The following PRKCSH variants were observed in gnomAD, a reference collection of about 807,000 sequenced individuals.
PRKCSH encodes PRKCSH beta subunit of glucosidase II.
In PRKCSH, 42 loss-of-function variants were observed where a neutral mutation model predicts 79.7. That is an observed-to-expected ratio of 0.53 (90% CI 0.41 to 0.68). PRKCSH has a LOEUF of 0.68. Ranked by LOEUF, PRKCSH falls within the 30% of genes least tolerant of loss-of-function variation. The probability of loss-of-function intolerance (pLI) is 0.00; values close to 1 mark genes in which losing one functional copy is unlikely to be tolerated. For synonymous variants in PRKCSH, 325 were observed against 288.2 expected (o/e 1.13, Z -1.29); for missense variants, 686 against 709.0 (o/e 0.97, Z 0.37).
chr19:11,441,314 A>T lies in PRKCSH; in HGVS notation c.425A>T (p.Lys142Met), dbSNP rs769208010. The change falls in exon 6 of 18, where the codon AAG becomes ATG. Residue 142 changes from lysine to methionine, a missense_variant. Lys to Met is a moderately conservative substitution (Grantham distance 95). Transcript: ENST00000677123. ...EVTREGFRLK[K>M]ILIEDWKKAR... The stretch of plus-strand genomic sequence containing the variant: ...ACCCGCGAAGGGTTCCGTCTGAAGA[A>T]GATCCTTATTGAGGACTGGAAGAAG... The T allele has an allele frequency of 4.3e-6, 7 of 1,614,132 alleles. No homozygotes were observed. The South Asian group carries it at 6.6e-5, about 15-fold the overall frequency.
Position 11,449,162 on chromosome 19 carries a change from A to G in PRKCSH, c.1448A>G (p.Asn483Ser), listed in dbSNP as rs922380592. 19 of 1,613,602 alleles carry G rather than the reference A, an allele frequency of 1.2e-5. No homozygotes were observed. Among genetic ancestry groups the G allele is most frequent in the Admixed American group, 1.7e-5 (1 of 59,992 alleles). ...EQGTGCWQGPNRSTTVRLLCG... is the reference protein window; with the variant it reads ...EQGTGCWQGPSRSTTVRLLCG... ...GGCACGGGCTGCTGGCAGGGCCCCAACCGCTCCACCACCGTGAGTGCCTGC... is the reference window on the plus strand; with the variant it reads ...GGCACGGGCTGCTGGCAGGGCCCCAGCCGCTCCACCACCGTGAGTGCCTGC... Residue 483 changes from asparagine to serine, a missense_variant, in exon 16 of 18, where the codon AAC becomes AGC. Physicochemically the swap from Asn to Ser is conservative, Grantham distance 46. Coordinates refer to ENST00000677123, the MANE Select transcript of PRKCSH (RefSeq NM_001289104.2). This position sits in a 1 kb window ranked among gnomAD's most constrained non-coding sequence, Gnocchi z 6.4.
chr19:11,441,804 G>T (rs1251446892), intron 6 of PRKCSH, among the ~76,000 whole-genome samples: 2 of 152,158 alleles, frequency 1.3e-5, no homozygotes, highest in African/African-American at 2.4e-5. Flanking sequence ...TCCCTGCCTT[G>T]CCTGTGTACT....
At chr19:11,438,173 C>A in intron 5 of PRKCSH, 49 bp downstream of exon 5, 1 of 1,597,908 alleles carries the variant, frequency 6.3e-7, no homozygotes, top group Non-Finnish European at 8.6e-7. Flanking sequence ...AAGACTTTGC[C>A]TGGCTCCACC....
intron 8 of PRKCSH, 80 bp downstream of exon 8, chr19:11,445,553 A>G: frequency 7.2e-7 from 1 of 1,392,968 alleles, no homozygotes; most frequent in Admixed American, 1.9e-5. Context: ...TCTAGAAACC[A>G]GCCAGATCCT....
chr19:11,445,325 G>C (rs1304457728), intron 7 of PRKCSH, 64 bp from the exon 8 acceptor site: 1 of 1,533,228 alleles, frequency 6.5e-7, no homozygotes, highest in Non-Finnish European at 9.0e-7. Flanking sequence ...ACGACCCTGT[G>C]GGGTGCGGGG....
In PRKCSH at chr19:11,449,686, G is replaced by A. The variant is rs1472658898; in HGVS notation, c.*16+258G>A. On this transcript the variant is annotated intron_variant, in intron 17 of 17. Coordinates refer to ENST00000677123, the MANE Select transcript of PRKCSH (RefSeq NM_001289104.2). This position sits in a 1 kb window ranked among gnomAD's most constrained non-coding sequence, Gnocchi z 6.4. The stretch of plus-strand genomic sequence containing the variant: ...GCCTCCCAAGTAGCTGGGATTACAG[G>A]TGTGCACCACCATGCCTGGCTAATT... 3 of 511,546 alleles carry A rather than the reference G, an allele frequency of 5.9e-6. No homozygotes were observed. The highest frequency in any genetic ancestry group is 7.3e-5 in the East Asian group (2 of 27,454). The allele number at this position is 511,546 out of a possible 1,614,324, so 31.7% of individuals were successfully genotyped here.
Position 11,448,287 on chromosome 19 carries a change from A to C in PRKCSH, c.1192A>C (p.Ile398Leu). The stretch of plus-strand genomic sequence containing the variant: ...GTCGCTGAAGGACATGGAGGAGTCC[A>C]TCAGGTAGCGGGGGCTGAGGAGCGG... Reference protein sequence around the residue: ...ERSLKDMEESIRNLEQEISFD... With the variant: ...ERSLKDMEESLRNLEQEISFD... The change falls in exon 13 of 18, where the codon ATC becomes CTC. Residue 398 changes from isoleucine (I) to leucine (L), a missense_variant. By Grantham distance (5) the Ile-to-Leu change is conservative (BLOSUM62 2). This residue lies in a region of PRKCSH where 549 missense variants were observed against 520.2 expected (regional missense o/e 1.06). Coordinates refer to ENST00000677123, the MANE Select transcript of PRKCSH (RefSeq NM_001289104.2). This position sits in a 1 kb window ranked among gnomAD's most constrained non-coding sequence, Gnocchi z 4.4. 6.4e-7 allele frequency: 1 copy of C among 1,573,132 alleles called. No homozygotes were observed. Among genetic ancestry groups the C allele is most frequent in the Non-Finnish European group, 8.6e-7 (1 of 1,158,894 alleles).
In PRKCSH at chr19:11,446,421, G is replaced by A. The variant is rs182285559; in HGVS notation, c.762+71G>A. 2.6e-3 allele frequency: 3,891 copies of A among 1,484,950 alleles called. 21 individuals are homozygous for A. In the Middle Eastern group the frequency reaches 0.035, roughly 13 times the overall value. The allele number at this position is 1,484,950 out of a possible 1,614,324, so 92.0% of individuals were successfully genotyped here. ...CCCAGGGTGACCTCAGGGCACAGGA[G>A]GGGGACCAAGGAAAGCTCCTTGCTG... On this transcript the variant is annotated intron_variant, in intron 9 of 17. Transcript: ENST00000677123.
At chr19:11,435,737 C>T (rs1568358102) in intron 1 of PRKCSH, 31 bp downstream of exon 1, 1 of 1,344,692 alleles carries the variant, frequency 7.4e-7, no homozygotes, top group South Asian at 1.2e-5. Context: ...GGGAGGGCAC[C>T]TCAGTTTCTT....
chr19:11,443,217 A>G (rs1970144637), intron 7 of PRKCSH, among the ~76,000 whole-genome samples: 2 of 150,696 alleles, frequency 1.3e-5, no homozygotes, highest in Non-Finnish European at 2.9e-5. Context: ...GTTCGAGACC[A>G]CCCTGGCCAA....
At position 11,449,292 on chromosome 19, in the gene PRKCSH, C is replaced by G. The variant is rs1471173577; in HGVS notation, c.1488C>G (p.Thr496=). The change falls in exon 17 of 18, where the codon ACC becomes ACG. Residue 496 remains threonine, a synonymous_variant. Transcript: ENST00000677123. The surrounding 1 kb of genome is among the most constrained non-coding windows in gnomAD (Gnocchi z 6.4). ...TGCGCCTCCTGTGCGGGAAAGAGAC[C>G]ATGGTGACCAGCACCACAGAGCCCA... ...TTVRLLCGKE[T]MVTSTTEPSR... is the part of the protein sequence containing the mutation. 1.2e-6 allele frequency: 2 copies of G among 1,613,628 alleles called. No homozygotes were observed. Among genetic ancestry groups the G allele is most frequent in the Admixed American group, 1.7e-5 (1 of 60,004 alleles).
At position 11,442,368 on chromosome 19, in the gene PRKCSH, T is replaced by A. The variant is rs769909200; in HGVS notation, c.469-18T>A. Reference sequence around the variant, plus strand: ...GCAGAACAGAGGAGAGCTGGTCTCTTGCCTTCTGCCCACCCAGAAAAAGCT... The same window carrying A: ...GCAGAACAGAGGAGAGCTGGTCTCTAGCCTTCTGCCCACCCAGAAAAAGCT... On this transcript the variant is annotated intron_variant, in intron 6 of 17. Transcript: ENST00000677123. 1 of 1,577,502 alleles carries A rather than the reference T, an allele frequency of 6.3e-7. No individual in the cohort carries two copies. The highest frequency in any genetic ancestry group is 2.3e-5 in the East Asian group (1 of 43,060).
intron 7 of PRKCSH, among the ~76,000 whole-genome samples, 154 bp from the exon 8 acceptor site, chr19:11,445,235 G>T (rs772682946): frequency 5.9e-5 from 9 of 152,172 alleles, no homozygotes; most frequent in Non-Finnish European, 1.3e-4. Flanking sequence ...CCTGGTAAGG[G>T]CAGGGACCTT....
At position 11,449,674 on chromosome 19, in the gene PRKCSH, C is replaced by T; in HGVS notation, c.*16+246C>T. 2 of 535,312 alleles carry T rather than the reference C, an allele frequency of 3.7e-6. No homozygotes were observed. Among genetic ancestry groups the T allele is most frequent in the South Asian group, 4.0e-5 (2 of 49,476 alleles). The allele number at this position is 535,312 out of a possible 1,614,324, so 33.2% of individuals were successfully genotyped here. On this transcript the variant is annotated intron_variant, in intron 17 of 17. Transcript: ENST00000677123. This position sits in a 1 kb window ranked among gnomAD's most constrained non-coding sequence, Gnocchi z 6.4. ...TGTCTTGTCTCAGCCTCCCAAGTAG[C>T]TGGGATTACAGGTGTGCACCACCAT...
Position 11,447,136 on chromosome 19 carries a change from C to T in PRKCSH, c.825C>T (p.Ala275=), listed in dbSNP as rs1568368442. 1 of 1,614,000 alleles carries T rather than the reference C, an allele frequency of 6.2e-7. No individual in the cohort carries two copies. Among genetic ancestry groups the T allele is most frequent in the Non-Finnish European group, 8.5e-7 (1 of 1,179,890 alleles). The change falls in exon 10 of 18, where the codon GCC becomes GCT. Residue 275 remains alanine (A), a synonymous_variant. Transcript: ENST00000677123. This position sits in a 1 kb window ranked among gnomAD's most constrained non-coding sequence, Gnocchi z 5.6. ...CTTTCTACGACCGCGTCTGGGCCGC[C>T]ATCAGGGACAAGTACCGGTCCGAGG... ...ATSFYDRVWA[A]IRDKYRSEAL...
At chr19:11,445,555 C>G in intron 8 of PRKCSH, 82 bp downstream of exon 8, 1 of 1,369,886 alleles carries the variant, frequency 7.3e-7, no homozygotes, top group Non-Finnish European at 1.0e-6. Context: ...TAGAAACCAG[C>G]CAGATCCTCC....
intron 3 of PRKCSH, chr19:11,436,816 A>C (rs559769310): frequency 7.6e-6 from 3 of 396,560 alleles, no homozygotes; most frequent in South Asian, 4.3e-5. Flanking sequence ...GGCCAAGAGC[A>C]ATCCAGCAGG....
At position 11,446,270 on chromosome 19, in the gene PRKCSH, A is replaced by G; in HGVS notation, c.684-2A>G. The G allele has an allele frequency of 6.2e-7, 1 of 1,612,922 alleles. No individual in the cohort carries two copies. Among genetic ancestry groups the G allele is most frequent in the Non-Finnish European group, 8.5e-7 (1 of 1,179,618 alleles). ...CAGTCTGCTTCTGCCACGCCCCCGC[A>G]GGGTCTCGGTGACTGAGCTGCAGAC... On this transcript the variant is annotated splice_acceptor_variant, in intron 8 of 17. Coordinates refer to ENST00000677123, the MANE Select transcript of PRKCSH (RefSeq NM_001289104.2). LOFTEE classifies it high-confidence loss of function.
intron 7 of PRKCSH, among the ~76,000 whole-genome samples, chr19:11,444,237 GC>G (rs1970193904): frequency 6.6e-6 from 1 of 152,190 alleles, no homozygotes; most frequent in Non-Finnish European, 1.5e-5. Flanking sequence ...TTGGGTCTGG[GC>G]AAGCTCAGGC....
Sources: allele counts gnomAD v4.1 joint callset (sites outside exome capture counted in the v4.1 genomes callset), GRCh38; gene constraint gnomAD v4.1.1; regional missense constraint gnomAD v4.1.1; non-coding constraint Gnocchi (gnomAD v3.1); transcripts MANE v1.5; gene names NCBI Gene and HGNC (gene_info 2026-07-23, HGNC 2026-07-21).